COL4A4: variants seen among roughly 807,000 people sequenced by gnomAD.
COL4A4 encodes collagen type IV alpha 4 chain.
A neutral mutation model predicts 192.9 loss-of-function variants in COL4A4; 105 were observed. The ratio of observed to expected loss-of-function variants is 0.54; its 90% CI spans 0.46 to 0.64. The LOEUF (loss-of-function observed/expected upper bound fraction) is 0.64, where lower values mean the gene tolerates loss of function less well. Among genes scored for constraint, COL4A4 ranks in the 30% least tolerant of loss-of-function variants. The pLI, the probability that COL4A4 is intolerant of heterozygous loss-of-function variation, is 0.00. For missense variants in COL4A4, 1,967 were observed against 2,169.3 expected (o/e 0.91, Z 1.85); for synonymous variants, 762 against 769.9 (o/e 0.99, Z 0.17).
At chr2:227,094,810 G>C (rs529643709) in intron 19 of COL4A4, among the ~76,000 whole-genome samples, 1 of 152,310 alleles carries the variant, frequency 6.6e-6, no homozygotes, top group Non-Finnish European at 1.5e-5. Context: ...ACATCAAGCT[G>C]TGTATCTTAA....
intron 17 of COL4A4, 106 bp from the exon 18 acceptor site, chr2:227,099,795 C>G (rs1182183476): frequency 1.0e-6 from 1 of 967,362 alleles, no homozygotes; most frequent in Non-Finnish European, 1.6e-6. Context: ...ATATAAGAAG[C>G]AGAGATTATA....
At chr2:227,122,950 C>T (rs2061881080) in intron 4 of COL4A4, among the ~76,000 whole-genome samples, 1 of 152,080 alleles carries the variant, frequency 6.6e-6, no homozygotes, top group Non-Finnish European at 1.5e-5. Flanking sequence ...CTGCAGCCTC[C>T]ACCTCCCGAG....
chr2:227,100,342 TTAATA>T, intron 17 of COL4A4, among the ~76,000 whole-genome samples: 1 of 143,160 alleles, frequency 7.0e-6, no homozygotes, highest in East Asian at 2.0e-4. Flanking sequence ...ATAATAATGC[TTAATA>T]TGACACTGAT....
chr2:227,090,024 A>T, intron 20 of COL4A4, 67 bp from the exon 21 acceptor site: 1 of 1,341,686 alleles, frequency 7.5e-7, no homozygotes, highest in East Asian at 2.3e-5. Context: ...TCTATAGAAT[A>T]AGTGACTTTT....
chr2:227,009,766 G>A (rs1020430930), intron 46 of COL4A4, among the ~76,000 whole-genome samples: 1 of 149,206 alleles, frequency 6.7e-6, no homozygotes, highest in Non-Finnish European at 1.5e-5. Flanking sequence ...AAGAGGGGAG[G>A]GGAGGGGAAG....
At chr2:227,046,300 T>C (rs184868026) in intron 35 of COL4A4, among the ~76,000 whole-genome samples, 2 of 151,730 alleles carry the variant, frequency 1.3e-5, no homozygotes, top group African/African-American at 4.8e-5. Flanking sequence ...TTGTATGAAA[T>C]GAAACACAGC....
At chr2:227,001,142 T>C (rs1428247375), downstream of COL4A4, among the ~76,000 whole-genome samples, 3 of 151,828 alleles carry the variant, frequency 2.0e-5, no homozygotes, top group African/African-American at 7.3e-5. Context: ...TTGCCCAGGC[T>C]GGAGTGCAGT....
intron 11 of COL4A4, 55 bp downstream of exon 11, chr2:227,108,778 T>G (rs774887165): frequency 8.3e-5 from 131 of 1,571,520 alleles, no homozygotes; most frequent in Non-Finnish European, 1.1e-4. Flanking sequence ...ATATCAGTGG[T>G]CAACCATTTC....
chr2:227,157,406 A>C (rs948410431), intron 1 of COL4A4, among the ~76,000 whole-genome samples: 2 of 152,132 alleles, frequency 1.3e-5, no homozygotes, highest in Non-Finnish European at 1.5e-5. Flanking sequence ...AGAACAAATT[A>C]AACCTGAAGC....
chr2:227,012,370 T>A, intron 44 of COL4A4, 73 bp from the exon 45 acceptor site: 1 of 1,213,342 alleles, frequency 8.2e-7, no homozygotes, highest in Non-Finnish European at 1.2e-6. Flanking sequence ...GCTTATACCG[T>A]ATGCCAGCCG....
In COL4A4 at chr2:227,060,758, T is replaced by G. The variant is rs189856049; in HGVS notation, c.2057-515A>C. On this transcript the variant is annotated intron_variant, in intron 26 of 47. Transcript: ENST00000396625. ...TTTTTTTTTTTTTGAGACAGAGTCT[T>G]GCTTTGTCACCAAGGCTGGAGTGCA... 4.8e-3 allele frequency among the ~76,000 whole-genome samples: 721 copies of G among 150,538 alleles called. 7 individuals are homozygous for G. Among genetic ancestry groups the G allele is most frequent in the African/African-American group, 0.017 (693 of 40,876 alleles).
rs759416900 is a variant in COL4A4, at chr2:227,010,285, A to G, written c.4522+28T>C. The G allele has an allele frequency of 2.1e-5, 34 of 1,613,648 alleles. No individual in the cohort carries two copies. In the South Asian group the frequency reaches 3.6e-4, roughly 17 times the overall value. On this transcript the variant is annotated intron_variant, in intron 46 of 47. Coordinates refer to ENST00000396625, the MANE Select transcript of COL4A4 (RefSeq NM_000092.5). ...AACCCCAAATTTTACTCTTCAGGCA[A>G]TGGAGATGGGCGATCCTGTATCCAT...
At chr2:227,022,633 G>A (rs1382633214) in intron 43 of COL4A4, 2 of 494,212 alleles carry the variant, frequency 4.0e-6, no homozygotes, top group Non-Finnish European at 8.4e-6. Flanking sequence ...GGTTTCCATA[G>A]TGTCAGTCAC....
the COL4A4 span, among the ~76,000 whole-genome samples, chr2:226,977,971 C>CT: frequency 6.6e-6 from 1 of 152,212 alleles, no homozygotes; most frequent in Non-Finnish European, 1.5e-5. Context: ...TTTATGCATT[C>CT]TTTTCTCTAT....
rs780916516 is a variant in COL4A4, at chr2:227,008,187, G to A, written c.4640C>T (p.Ala1547Val). The A allele has an allele frequency of 4.5e-5, 73 of 1,614,082 alleles. No individual in the cohort carries two copies. Among genetic ancestry groups the A allele is most frequent in the Non-Finnish European group, 5.2e-5 (61 of 1,180,016 alleles). Residue 1547 changes from alanine (A) to valine (V), a missense_variant, in exon 47 of 48, where the codon GCG becomes GTG. Coordinates refer to ENST00000396625, the MANE Select transcript of COL4A4 (RefSeq NM_000092.5). The part of the protein sequence containing the change: ...NDRSYWLASA[A>V]PLPMMPLSEE... Reference sequence around the variant, plus strand: ...AGAGAGTGGCATCATGGGGAGGGGCGCAGCGCTGGCCAGCCAGTAGGATCT... The same window carrying A: ...AGAGAGTGGCATCATGGGGAGGGGCACAGCGCTGGCCAGCCAGTAGGATCT...
At chr2:227,048,255 T>C (rs1406077083) in intron 34 of COL4A4, among the ~76,000 whole-genome samples, 1 of 152,206 alleles carries the variant, frequency 6.6e-6, no homozygotes, top group Non-Finnish European at 1.5e-5. Flanking sequence ...TTTACACTCC[T>C]TTCTAAAGGA....
chr2:227,070,025 A>G (rs1302317390), intron 25 of COL4A4, among the ~76,000 whole-genome samples: 1 of 150,534 alleles, frequency 6.6e-6, no homozygotes, highest in Admixed American at 6.6e-5. Flanking sequence ...ATTTACAAGA[A>G]AAAAACAAAC....
At chr2:227,030,717 T>C (rs1207175876) in intron 40 of COL4A4, 119 bp from the exon 41 acceptor site, 2 of 718,822 alleles carry the variant, frequency 2.8e-6, no homozygotes, top group Non-Finnish European at 4.4e-6. Context: ...ATAAAGAGAA[T>C]TAGAAGAATA....
At chr2:227,053,759 G>C (rs1205396600) in intron 31 of COL4A4, among the ~76,000 whole-genome samples, 2 of 151,940 alleles carry the variant, frequency 1.3e-5, no homozygotes, top group African/African-American at 2.4e-5. Flanking sequence ...GTGTTACCAG[G>C]ATGGTCTCGA....
Sources: allele counts gnomAD v4.1 joint callset (sites outside exome capture counted in the v4.1 genomes callset), GRCh38; gene constraint gnomAD v4.1.1; transcripts MANE v1.5; gene names NCBI Gene and HGNC (gene_info 2026-07-23, HGNC 2026-07-21).